OBSL1: variants seen among roughly 807,000 people sequenced by gnomAD.
OBSL1 encodes the protein obscurin-like protein 1.
Under a neutral mutation model 172.0 loss-of-function variants are expected in OBSL1, and 160 were observed. The observed-to-expected ratio is 0.93, with a 90% CI of 0.82 to 1.06. OBSL1 has a LOEUF of 1.06. OBSL1 is among the 50% of genes least tolerant of loss of function. The probability of loss-of-function intolerance (pLI) is 0.00; values close to 1 mark genes in which losing one functional copy is unlikely to be tolerated. For missense variants in OBSL1, 2,681 were observed against 2,715.4 expected, an observed-to-expected ratio of 0.99 and a Z score of 0.28; for synonymous variants, 1,200 against 1,196.3, an observed-to-expected ratio of 1.00 and a Z score of -0.06.
Position 219,568,270 on chromosome 2 carries a change from C to T in OBSL1, c.1067G>A (p.Gly356Glu). 1.2e-6 allele frequency: 2 copies of T among 1,611,166 alleles called. No homozygotes were observed. Among genetic ancestry groups the T allele is most frequent in the Non-Finnish European group, 8.5e-7 (1 of 1,178,902 alleles). ...TACTTTACATTCCAGCACGGCAATC[C>T]CGTGCTCACGGCCCTCCACGTCCTG... ...PLQDVEGREH[G>E]IAVLECKVPN... The change falls in exon 2 of 21, where the codon GGG (glycine) becomes GAG (glutamate). Residue 356 changes from glycine to glutamate, a missense_variant. Gly to Glu is a moderately conservative substitution (Grantham distance 98). Around this residue, in one of 5 missense-constraint regions of OBSL1, gnomAD observed 706 missense variants for 695.8 expected, o/e 1.01. Transcript: ENST00000404537. This position sits in a 1 kb window ranked among gnomAD's most constrained non-coding sequence, Gnocchi z 4.1.
Position 219,570,374 on chromosome 2 carries a change from G to A in OBSL1, c.859C>T (p.Leu287Phe). The A allele has an allele frequency of 1.9e-6, 3 of 1,612,972 alleles. No individual in the cohort carries two copies. Among genetic ancestry groups the A allele is most frequent in the Non-Finnish European group, 2.5e-6 (3 of 1,179,602 alleles). Residue 287 changes from leucine to phenylalanine, a missense_variant, in exon 1 of 21, where the codon CTC (leucine) becomes TTC (phenylalanine). Around this residue, in one of 5 missense-constraint regions of OBSL1, gnomAD observed 706 missense variants for 695.8 expected, o/e 1.01. Coordinates refer to ENST00000404537, the MANE Select transcript of OBSL1 (RefSeq NM_015311.3). ...TACATGAGGCGGCGGCGGTCCGGGAGCAGCGGGCGGCCCTCCCAGTGCCAT... is the reference window on the plus strand; with the variant it reads ...TACATGAGGCGGCGGCGGTCCGGGAACAGCGGGCGGCCCTCCCAGTGCCAT... ...IEWHWEGRPL[L>F]PDRRRLMYRD...
In OBSL1 at chr2:219,551,028, C is replaced by T. The variant is rs149788000; in HGVS notation, c.5684-186G>A. On this transcript the variant is annotated intron_variant, in intron 20 of 20. Coordinates refer to ENST00000404537, the MANE Select transcript of OBSL1 (RefSeq NM_015311.3). ...GGGGTCAGCTAGGGGTGGGGCACAG[C>T]GCGGCACCTGAAGGGAATGCTGGGA... 1.8e-3 allele frequency: 2,604 copies of T among 1,462,008 alleles called. 37 individuals are homozygous for T. In the African/African-American group the frequency reaches 0.032, roughly 18 times the overall value. 90.6% of individuals were successfully genotyped at this position (1,462,008 alleles called of 1,614,324 possible).
At chr2:219,558,142 T>C in intron 10 of OBSL1, 32 bp from the exon 11 acceptor site, 7 of 1,611,202 alleles carry the variant, frequency 4.3e-6, no homozygotes, top group Non-Finnish European at 5.9e-6. Context: ...CATCCCATGC[T>C]TGCCCTTGCC....
rs112857155 is a variant in OBSL1, at chr2:219,571,296, C to T, written c.-64G>A. ...GGCAGGGGGGGGTGCGGAGGGCGAG[C>T]CGAGGCCCGGGGCGGCGGGGTCGGG... On this transcript the variant is annotated 5_prime_UTR_variant, in exon 1 of 21. Coordinates refer to ENST00000404537, the MANE Select transcript of OBSL1 (RefSeq NM_015311.3). 3 of 995,230 alleles carry T rather than the reference C, an allele frequency of 3.0e-6. No homozygotes were observed. The highest frequency in any genetic ancestry group is 3.9e-6 in the Non-Finnish European group (3 of 771,720). 61.6% of individuals were successfully genotyped at this position (995,230 alleles called of 1,614,324 possible).
At chr2:219,562,006 A>G (rs1350474956) in intron 8 of OBSL1, 1 of 717,288 alleles carries the variant, frequency 1.4e-6, no homozygotes, top group African/African-American at 1.7e-5. Flanking sequence ...CTTTGGTAAG[A>G]CTCTGCAGAC....
At chr2:219,553,462 T>C in intron 16 of OBSL1, 112 bp downstream of exon 16, 1 of 824,826 alleles carries the variant, frequency 1.2e-6, no homozygotes, top group Non-Finnish European at 2.1e-6. Context: ...ATAATGCAAA[T>C]CTTAGCACAG....
chr2:219,557,382 C>A lies in OBSL1; in HGVS notation c.4027G>T (p.Ala1343Ser). 6.5e-7 allele frequency: 1 copy of A among 1,534,640 alleles called. No homozygotes were observed. Among genetic ancestry groups the A allele is most frequent in the Middle Eastern group, 1.7e-4 (1 of 5,896 alleles). The change falls in exon 12 of 21, where the codon GCG (alanine) becomes TCG (serine). Residue 1343 changes from alanine (A) to serine (S), a missense_variant. Transcript: ENST00000404537. ...AGGAAGATGCGGCTGTCCTGGGGCGCATCGCACAGGTACTCCCCAGCGTCC... is the reference window on the plus strand; with the variant it reads ...AGGAAGATGCGGCTGTCCTGGGGCGAATCGCACAGGTACTCCCCAGCGTCC... ...SGDAGEYLCD[A>S]PQDSRIFLVS...
At chr2:219,547,955 C>T (rs146753639), downstream of OBSL1, 33 of 1,590,038 alleles carry the variant, frequency 2.1e-5, no homozygotes, top group Middle Eastern at 1.7e-4. Context: ...GGAGCGACTC[C>T]GGGCTGCTCC....
Position 219,557,336 on chromosome 2 carries a change from CTG to C in OBSL1, c.4066+5_4066+6del. On this transcript the variant is annotated splice_donor_5th_base_variant and intron_variant, in intron 12 of 20. Transcript: ENST00000404537. ...CAGCCCACAGGGTGTGAGGGGTACA[CTG>C]TTACCTTCCACGCTGACAAGGAAGA... The C allele has an allele frequency of 6.7e-7, 1 of 1,486,588 alleles. No individual in the cohort carries two copies. The highest frequency in any genetic ancestry group is 1.4e-5 in the African/African-American group (1 of 72,218). 92.1% of individuals were successfully genotyped at this position (1,486,588 alleles called of 1,614,324 possible).
intron 13 of OBSL1, 74 bp from the exon 14 acceptor site, chr2:219,556,366 T>TC (rs1696005170): frequency 1.3e-6 from 2 of 1,583,392 alleles, no homozygotes; most frequent in Non-Finnish European, 1.7e-6. Context: ...CACTGGTCTG[T>TC]CCCTAGGTGG....
rs561839641 is a variant in OBSL1 at position 219,556,984 on chromosome 2, C to T, written c.4067-261G>A. The T allele has an allele frequency of 1.1e-4, 55 of 517,840 alleles. 1 individual carries two copies. The highest frequency in any genetic ancestry group is 1.7e-4 in the Non-Finnish European group (49 of 295,096). 32.1% of individuals were successfully genotyped at this position (517,840 alleles called of 1,614,324 possible). ...TATCAATTACCAGGGACCCTATTTA[C>T]AGCATTTACTTGTCACAACAGGCCT... On this transcript the variant is annotated intron_variant, in intron 12 of 20. Coordinates refer to ENST00000404537, the MANE Select transcript of OBSL1 (RefSeq NM_015311.3).
chr2:219,547,446 C>G (rs1695411824), downstream of OBSL1: 3 of 1,343,794 alleles, frequency 2.2e-6, no homozygotes, highest in Non-Finnish European at 2.9e-6. Context: ...CCCCTTGGAC[C>G]TGCTCCCTCC....
chr2:219,552,056 C>T, intron 19 of OBSL1, 56 bp downstream of exon 19: 1 of 1,494,114 alleles, frequency 6.7e-7, no homozygotes, highest in Non-Finnish European at 9.2e-7. Context: ...TCCGTCAGTC[C>T]CATGGCAGGA....
downstream of OBSL1, chr2:219,547,492 CT>C: frequency 7.1e-7 from 1 of 1,417,296 alleles, no homozygotes; most frequent in Non-Finnish European, 9.3e-7. Flanking sequence ...TCACTAGCCC[CT>C]GTTCCCCTCC....
chr2:219,553,541 C>T (rs992332228), intron 16 of OBSL1, 33 bp downstream of exon 16: 5 of 1,503,914 alleles, frequency 3.3e-6, no homozygotes, highest in Admixed American at 3.4e-5. Flanking sequence ...TGGTGTTACA[C>T]TGAAGTGGGC....
In OBSL1 at chr2:219,558,062, C is replaced by T. The variant is rs1367873213; in HGVS notation, c.3551G>A (p.Cys1184Tyr). 4 of 1,613,704 alleles carry T rather than the reference C, an allele frequency of 2.5e-6. No individual in the cohort carries two copies. The highest frequency in any genetic ancestry group is 2.2e-5 in the East Asian group (1 of 44,888). Residue 1184 changes from cysteine to tyrosine, a missense_variant, in exon 11 of 21, where the codon TGT (cysteine) becomes TAT (tyrosine). Physicochemically the swap from Cys to Tyr is radical, Grantham distance 194. Transcript: ENST00000404537. Reference protein sequence around the residue: ...LALETTPSPLCVAPGEPVVLS... With the variant: ...LALETTPSPLYVAPGEPVVLS... ...CACCACTGGCTCCCCAGGGGCCACA[C>T]AGAGCGGGCTTGGAGTTGTCTCTAG...
At chr2:219,564,167 C>G (rs776853627) in intron 6 of OBSL1, among the ~76,000 whole-genome samples, 1 of 152,204 alleles carries the variant, frequency 6.6e-6, no homozygotes, top group East Asian at 1.9e-4. Context: ...AAGCTGCTCT[C>G]TCAGAGAGTC....
chr2:219,563,917 C>G (rs146089389), intron 6 of OBSL1, among the ~76,000 whole-genome samples: 3 of 152,148 alleles, frequency 2.0e-5, no homozygotes, highest in African/African-American at 7.2e-5. Context: ...GTGGCAGCCA[C>G]CATTTGTCTA....
In OBSL1 at chr2:219,568,035, T is replaced by C; in HGVS notation, c.1282+20A>G. ...ACCTGCCTGCCTCCGCCTCAGCCTCTTCCCCACGGGCCAGCTGACCTTTGA... is the reference window on the plus strand; with the variant it reads ...ACCTGCCTGCCTCCGCCTCAGCCTCCTCCCCACGGGCCAGCTGACCTTTGA... On this transcript the variant is annotated intron_variant, in intron 2 of 20. Transcript: ENST00000404537. The surrounding 1 kb of genome is among the most constrained non-coding windows in gnomAD (Gnocchi z 4.1). The C allele has an allele frequency of 6.2e-7, 1 of 1,608,812 alleles. No homozygotes were observed. The highest frequency in any genetic ancestry group is 1.1e-5 in the South Asian group (1 of 91,010).
Sources: allele counts gnomAD v4.1 joint callset (sites outside exome capture counted in the v4.1 genomes callset), GRCh38; gene constraint gnomAD v4.1.1; regional missense constraint gnomAD v4.1.1; non-coding constraint Gnocchi (gnomAD v3.1); transcripts MANE v1.5; gene names NCBI Gene and HGNC (gene_info 2026-07-23, HGNC 2026-07-21).